Variants in FABP3 observed in about 807,000 individuals in gnomAD.
FABP3 encodes the protein fatty acid-binding protein, heart.
A neutral mutation model predicts 13.4 loss-of-function variants in FABP3; 8 were observed. That is an observed-to-expected ratio of 0.60 (90% confidence interval 0.35 to 1.07). The LOEUF is 1.07. Among genes scored for constraint, FABP3 ranks in the 50% least tolerant of loss-of-function variants. The probability of loss-of-function intolerance (pLI) is 0.02; values close to 1 mark genes in which losing one functional copy is unlikely to be tolerated. For synonymous variants in FABP3, 64 were observed against 60.0 expected (o/e 1.07, Z -0.31); for missense variants, 135 against 164.7 (o/e 0.82, Z 0.99).
At chr1:31,372,577 C>T (rs1245714232) in intron 1 of FABP3, among the ~76,000 whole-genome samples, 1 of 152,120 alleles carries the variant, frequency 6.6e-6, no homozygotes, top group Non-Finnish European at 1.5e-5. Flanking sequence ...TGGGTTCAGT[C>T]TCCTCCAATT....
chr1:31,367,396 G>C lies in FABP3; in HGVS notation c.345C>G (p.Ile115Met). Residue 115 changes from isoleucine to methionine, a missense_variant, in exon 3 of 4, where the codon ATC becomes ATG. Transcript: ENST00000373713. ...GCTCCAAAGTTGCCCATCTTACCAG[G>C]ATGAGTTTTCCATCAATTAGCTCCC... ...LVRELIDGKLILTLTHGTAVC... is the reference protein window; with the variant it reads ...LVRELIDGKLMLTLTHGTAVC... 5 of 1,613,258 alleles carry C rather than the reference G, an allele frequency of 3.1e-6. No homozygotes were observed. The highest frequency in any genetic ancestry group is 4.2e-6 in the Non-Finnish European group (5 of 1,179,196).
At chr1:31,364,360 T>G, downstream of FABP3, 1 of 1,256,672 alleles carries the variant, frequency 8.0e-7, no homozygotes, top group Non-Finnish European at 1.1e-6. Flanking sequence ...GAGTTAGAGG[T>G]CAAAAGCAGC....
downstream of FABP3, among the ~76,000 whole-genome samples, chr1:31,361,925 C>G (rs1025453305): frequency 2.6e-5 from 4 of 152,258 alleles, no homozygotes; most frequent in Non-Finnish European, 1.5e-5. Context: ...GATCCTCCCA[C>G]CTCAGCTTCC....
chr1:31,367,167 T>C (rs948647343), intron 3 of FABP3, among the ~76,000 whole-genome samples: 4 of 152,166 alleles, frequency 2.6e-5, no homozygotes, highest in African/African-American at 9.7e-5. Context: ...GAAAAGGTGA[T>C]TTGCCCACAG....
intron 1 of FABP3, among the ~76,000 whole-genome samples, chr1:31,372,452 C>G (rs1456189328): frequency 6.6e-6 from 1 of 152,162 alleles, no homozygotes; most frequent in Non-Finnish European, 1.5e-5. Context: ...TGTCTTACGT[C>G]CTTCTCATAT....
At position 31,373,073 on chromosome 1, in the gene FABP3, C is replaced by T. The variant is rs1640237075; in HGVS notation, c.-59G>A. 28 of 1,526,962 alleles carry T rather than the reference C, an allele frequency of 1.8e-5. No individual in the cohort carries two copies. Among genetic ancestry groups the T allele is most frequent in the Middle Eastern group, 1.7e-4 (1 of 5,886 alleles). 94.6% of individuals were successfully genotyped at this position (1,526,962 alleles called of 1,614,324 possible). On this transcript the variant is annotated 5_prime_UTR_variant, in exon 1 of 4. Coordinates refer to ENST00000373713, the MANE Select transcript of FABP3 (RefSeq NM_004102.5). ...GAGAGCAGGCGTGCAAGGGCTCCGACGGCGGCTCCCTGCCCGGGCTGCCGC... is the reference window on the plus strand; with the variant it reads ...GAGAGCAGGCGTGCAAGGGCTCCGATGGCGGCTCCCTGCCCGGGCTGCCGC...
At chr1:31,369,332 C>A (rs1230070374) in intron 2 of FABP3, 53 bp downstream of exon 2, 1 of 1,579,824 alleles carries the variant, frequency 6.3e-7, no homozygotes, top group Non-Finnish European at 8.6e-7. Flanking sequence ...CCAGCCTATT[C>A]TCTTTTAGAG....
At chr1:31,372,050 A>G (rs1394936531) in intron 1 of FABP3, among the ~76,000 whole-genome samples, 1 of 152,144 alleles carries the variant, frequency 6.6e-6, no homozygotes, top group Non-Finnish European at 1.5e-5. Flanking sequence ...ACTAGATGGT[A>G]TGGGAATCTC....
At chr1:31,369,583 T>C (rs751691556) in intron 1 of FABP3, 26 bp from the exon 2 acceptor site, 57 of 1,611,912 alleles carry the variant, frequency 3.5e-5, no homozygotes, top group Non-Finnish European at 4.6e-5. Context: ...AGGTTATGAG[T>C]ATATGAGCTG....
chr1:31,364,598 G>C (rs1424485283), downstream of FABP3: 4 of 192,118 alleles, frequency 2.1e-5, no homozygotes, highest in African/African-American at 9.2e-5. Context: ...CCTTCCTATT[G>C]GTCTGTCCTG....
Position 31,369,384 on chromosome 1 carries a change from C to T in FABP3, c.246+1G>A. ...TCCCCACCCCTGTTTCCCTGACTTACCTTGACCTTCCTGTCATCTGCTGTT... is the reference window on the plus strand; with the variant it reads ...TCCCCACCCCTGTTTCCCTGACTTATCTTGACCTTCCTGTCATCTGCTGTT... On this transcript the variant is annotated splice_donor_variant, in intron 2 of 3. Coordinates refer to ENST00000373713, the MANE Select transcript of FABP3 (RefSeq NM_004102.5). LOFTEE classifies it high-confidence loss of function. The T allele has an allele frequency of 1.2e-6, 2 of 1,613,924 alleles. No homozygotes were observed. The highest frequency in any genetic ancestry group is 2.2e-5 in the South Asian group (2 of 91,028).
downstream of FABP3, among the ~76,000 whole-genome samples, chr1:31,363,008 G>T (rs1344867844): frequency 6.6e-6 from 1 of 152,038 alleles, no homozygotes; most frequent in Non-Finnish European, 1.5e-5. Context: ...ACACAAGTAT[G>T]TGTAACATAC....
chr1:31,373,053 C>A lies in FABP3; in HGVS notation c.-39G>T. 1 of 1,605,634 alleles carries A rather than the reference C, an allele frequency of 6.2e-7. No homozygotes were observed. The highest frequency in any genetic ancestry group is 8.5e-7 in the Non-Finnish European group (1 of 1,172,992). On this transcript the variant is annotated 5_prime_UTR_variant, in exon 1 of 4. Transcript: ENST00000373713. The stretch of plus-strand genomic sequence containing the variant: ...TAGGCTGAGAGAAGCTACAAGAGAG[C>A]AGGCGTGCAAGGGCTCCGACGGCGG...
At chr1:31,371,491 A>T (rs1361365323) in intron 1 of FABP3, among the ~76,000 whole-genome samples, 3 of 152,172 alleles carry the variant, frequency 2.0e-5, no homozygotes, top group Non-Finnish European at 4.4e-5. Flanking sequence ...ACTTACTGAG[A>T]GCTGAGGAGG....
In FABP3 at chr1:31,367,693, C is replaced by T. The variant is rs572957264; in HGVS notation, c.247-199G>A. On this transcript the variant is annotated intron_variant, in intron 2 of 3. Transcript: ENST00000373713. The stretch of plus-strand genomic sequence containing the variant: ...ACCTCCAGCCTCTGCTCCACTACTG[C>T]CTTTCTGGGGAAGAGGCCTTCAGAT... Among the ~76,000 whole-genome samples, 79 of 152,344 alleles carry T rather than the reference C, an allele frequency of 5.2e-4. 1 individual carries two copies. Among genetic ancestry groups the T allele is most frequent in the Non-Finnish European group, 6.6e-4 (45 of 68,030 alleles).
intron 2 of FABP3, among the ~76,000 whole-genome samples, chr1:31,368,137 G>A (rs1640144089): frequency 6.6e-6 from 1 of 152,170 alleles, no homozygotes; most frequent in African/African-American, 2.4e-5. Flanking sequence ...TACATCAGCT[G>A]GTTCTCATTT....
the FABP3 span, among the ~76,000 whole-genome samples, chr1:31,359,811 T>C: frequency 6.6e-6 from 1 of 152,178 alleles, no homozygotes; most frequent in Non-Finnish European, 1.5e-5. Context: ...AACTGTTTTA[T>C]GTTTAATTTT....
downstream of FABP3, chr1:31,364,277 G>A: frequency 6.7e-7 from 1 of 1,490,702 alleles, no homozygotes. Flanking sequence ...TCAATAGTGA[G>A]AATATAGCCT....
downstream of FABP3, among the ~76,000 whole-genome samples, chr1:31,360,696 C>T (rs1639850849): frequency 2.0e-5 from 3 of 152,194 alleles, no homozygotes; most frequent in South Asian, 6.2e-4. Flanking sequence ...TTTTTATCTT[C>T]CCTCCTCCTG....
Sources: allele counts gnomAD v4.1 joint callset (sites outside exome capture counted in the v4.1 genomes callset), GRCh38; gene constraint gnomAD v4.1.1; transcripts MANE v1.5; gene names NCBI Gene and HGNC (gene_info 2026-07-23, HGNC 2026-07-21).